The following ADD1 variants were observed in gnomAD, a reference collection of about 807,000 sequenced individuals.
ADD1 encodes alpha-adducin.
ADD1 carries 24 observed loss-of-function variants against 80.5 expected under a neutral mutation model. That is an observed-to-expected ratio of 0.30 (90% CI 0.22 to 0.42). ADD1 has a LOEUF of 0.42. Ranked by LOEUF, ADD1 falls within the 10% of genes least tolerant of loss-of-function variation. The pLI is 1.00. For synonymous variants in ADD1, 373 were observed against 393.8 expected, an observed-to-expected ratio of 0.95 and a Z score of 0.63; for missense variants, 948 against 1,019.0, an observed-to-expected ratio of 0.93 and a Z score of 0.95.
intron 2 of ADD1, among the ~76,000 whole-genome samples, chr4:2,878,185 T>C (rs966580178): frequency 6.6e-6 from 1 of 152,054 alleles, no homozygotes; most frequent in Non-Finnish European, 1.5e-5. Context: ...GGCAGAATCA[T>C]TGGAGGGCTG....
intron 1 of ADD1, among the ~76,000 whole-genome samples, chr4:2,852,173 T>TCTTCCTTTCTTC (rs1727227918): frequency 1.7e-4 from 12 of 71,456 alleles, no homozygotes; most frequent in Admixed American, 1.5e-3. Flanking sequence ...TTTCTTTCTT[T>TCTTCCTTTCTTC]CTTTCTTTCT....
At chr4:2,906,294 C>T (rs940521916) in intron 10 of ADD1, among the ~76,000 whole-genome samples, 4 of 152,044 alleles carry the variant, frequency 2.6e-5, no homozygotes, top group Non-Finnish European at 5.9e-5. Flanking sequence ...CTTTCCTGCC[C>T]TCCTTGTCTT....
intron 14 of ADD1, 103 bp downstream of exon 14, chr4:2,915,143 C>T (rs1298127970): frequency 2.4e-6 from 3 of 1,272,586 alleles, no homozygotes; most frequent in East Asian, 5.2e-5. Flanking sequence ...TAAGAATAGT[C>T]ACATGCATCA....
chr4:2,852,158 CTTT>C (rs1727212195), intron 1 of ADD1, among the ~76,000 whole-genome samples: 2 of 78,260 alleles, frequency 2.6e-5, no homozygotes, highest in South Asian at 4.8e-4. Context: ...TTCTTTCTTT[CTTT>C]CTTTCTTTCT....
At chr4:2,908,891 C>T (rs878931) in intron 12 of ADD1, 94,804 of 488,904 alleles carry the variant, frequency 0.19, 10,831 homozygotes, top group East Asian at 0.5. Context: ...AGATTCGGCC[C>T]GGGTTCAGCA....
At chr4:2,858,220 G>C (rs988040895) in intron 1 of ADD1, among the ~76,000 whole-genome samples, 2 of 152,218 alleles carry the variant, frequency 1.3e-5, no homozygotes, top group African/African-American at 4.8e-5. Context: ...CCTTTTTAAA[G>C]AGATTCAGTC....
rs1737418430 is a variant in ADD1 at position 2,908,380 on chromosome 4, C to A, written c.1609-135C>A. The A allele has an allele frequency of 8.2e-6, 6 of 733,452 alleles. No individual in the cohort carries two copies. The South Asian group carries it at 8.5e-5, about 10-fold the overall frequency. The allele number at this position is 733,452 out of a possible 1,614,324, so 45.4% of individuals were successfully genotyped here. A position where few individuals can be genotyped will look rare whatever the true frequency, so the allele number is the denominator to read the frequency against. On this transcript the variant is annotated intron_variant, in intron 11 of 15. Coordinates refer to ENST00000683351, the MANE Select transcript of ADD1 (RefSeq NM_001354761.2). ...GGTCACTCAGAACACATGGGGCCAT[C>A]CTGCCTGCGTGGGGCAGTGGGAGAG... is the stretch of plus-strand genomic sequence containing the variant.
intron 6 of ADD1, among the ~76,000 whole-genome samples, chr4:2,895,682 G>C (rs779013392): frequency 2.4e-4 from 37 of 152,280 alleles, no homozygotes; most frequent in Non-Finnish European, 4.6e-4. Flanking sequence ...CTCCTCAGCT[G>C]TGCACCAAGC....
chr4:2,852,138 TTTTCTTTCTTTCTTTCTTTCTTTC>T (rs754218185), intron 1 of ADD1, among the ~76,000 whole-genome samples: 30 of 97,660 alleles, frequency 3.1e-4, no homozygotes, highest in Admixed American at 1.3e-3. Flanking sequence ...ACCCGGCCTC[TTTTCTTTCTTTCTTTCTTTCTTTC>T]TTTCTTTCTT....
chr4:2,915,498 G>A (rs941372066), intron 14 of ADD1, among the ~76,000 whole-genome samples: 4 of 152,166 alleles, frequency 2.6e-5, no homozygotes, highest in Admixed American at 2.0e-4. Context: ...AAAATTAGCC[G>A]GATGTGGTGG....
chr4:2,873,282 G>A (rs945725221), intron 1 of ADD1, among the ~76,000 whole-genome samples: 2 of 152,144 alleles, frequency 1.3e-5, no homozygotes, highest in Non-Finnish European at 2.9e-5. Flanking sequence ...ATGTGCCACT[G>A]TACCCAGCAA....
intron 5 of ADD1, 119 bp from the exon 6 acceptor site, chr4:2,894,463 G>A: frequency 1.2e-6 from 1 of 869,236 alleles, no homozygotes; most frequent in Non-Finnish European, 1.7e-6. Context: ...GGAGGCCGAG[G>A]TCGCACCACT....
chr4:2,899,687 A>G (rs1030255046), intron 9 of ADD1: 6 of 501,498 alleles, frequency 1.2e-5, no homozygotes, highest in African/African-American at 1.9e-5. Flanking sequence ...ACAAGAGCAC[A>G]GAGAATGCGT....
intron 4 of ADD1, among the ~76,000 whole-genome samples, chr4:2,885,883 T>C (rs948517255): frequency 6.6e-6 from 1 of 152,150 alleles, no homozygotes; most frequent in South Asian, 2.1e-4. Context: ...GTGCTGGGAT[T>C]ACAGGCGTGA....
At chr4:2,912,037 T>C (rs1293090471) in intron 13 of ADD1, among the ~76,000 whole-genome samples, 1 of 152,234 alleles carries the variant, frequency 6.6e-6, no homozygotes, top group Non-Finnish European at 1.5e-5. Flanking sequence ...CAGATCCAAG[T>C]TGGCCCTGCT....
chr4:2,860,011 TTTCC>T (rs1728624415), intron 1 of ADD1, among the ~76,000 whole-genome samples: 1 of 152,136 alleles, frequency 6.6e-6, no homozygotes, highest in Non-Finnish European at 1.5e-5. Context: ...GTGTTGGTTT[TTTCC>T]TTCCTTATAA....
intron 1 of ADD1, among the ~76,000 whole-genome samples, chr4:2,858,793 C>A (rs10031688): frequency 0.04 from 6,148 of 152,226 alleles, 215 homozygotes; most frequent in African/African-American, 0.096. Flanking sequence ...TTGAGACCAG[C>A]CTTGGCCACG....
intron 1 of ADD1, among the ~76,000 whole-genome samples, chr4:2,864,306 G>A (rs905126130): frequency 1.3e-5 from 2 of 152,140 alleles, no homozygotes; most frequent in Non-Finnish European, 2.9e-5. Flanking sequence ...CCAGCTGTTC[G>A]GGAGGCTGAG....
At chr4:2,892,865 G>T (rs892053245) in intron 4 of ADD1, among the ~76,000 whole-genome samples, 6 of 150,496 alleles carry the variant, frequency 4.0e-5, no homozygotes, top group African/African-American at 1.5e-4. Flanking sequence ...AAAAAAAACA[G>T]ATCAAGTAGT....
Sources: gnomAD v4.1 joint callset for allele counts (sites outside exome capture counted in the v4.1 genomes callset) on GRCh38, gnomAD v4.1.1 for gene constraint, MANE v1.5 for transcripts, NCBI Gene and HGNC (gene_info 2026-07-23, HGNC 2026-07-21) for gene names.